CACNA1C: variants seen among roughly 807,000 people sequenced by gnomAD.
CACNA1C encodes the protein calcium voltage-gated channel subunit alpha1 C, also known as voltage-dependent L-type calcium channel subunit alpha-1C.
A neutral mutation model predicts 229.0 loss-of-function variants in CACNA1C; 30 were observed. The observed-to-expected ratio is 0.13, with a 90% confidence interval of 0.10 to 0.18. The LOEUF (loss-of-function observed/expected upper bound fraction) is 0.18. Ranked by LOEUF, CACNA1C falls within the 10% of genes least tolerant of loss-of-function variation. CACNA1C has a pLI of 1.00. For synonymous variants in CACNA1C, 1,114 were observed against 1,132.5 expected, an observed-to-expected ratio of 0.98 and a Z score of 0.33; for missense variants, 1,658 against 2,845.0, an observed-to-expected ratio of 0.58 and a Z score of 9.49.
At chr12:2,587,996 C>T (rs1179117152) in intron 18 of CACNA1C, among the ~76,000 whole-genome samples, 1 of 152,144 alleles carries the variant, frequency 6.6e-6, no homozygotes, top group East Asian at 1.9e-4. Context: ...AGCTGGTGGC[C>T]CCACACATCA....
chr12:2,218,404 G>C (rs1456486859), intron 3 of CACNA1C, among the ~76,000 whole-genome samples: 1 of 152,224 alleles, frequency 6.6e-6, no homozygotes, highest in Non-Finnish European at 1.5e-5. Flanking sequence ...TTCTGCAGGA[G>C]TTTGGATAGG....
Position 2,677,296 on chromosome 12 carries a change from TC to T in CACNA1C, c.4956+78del. 6.5e-7 allele frequency: 1 copy of T among 1,527,478 alleles called. No individual in the cohort carries two copies. Among genetic ancestry groups the T allele is most frequent in the South Asian group, 1.2e-5 (1 of 80,690 alleles). 94.6% of individuals were successfully genotyped at this position (1,527,478 alleles called of 1,614,324 possible). A position where few individuals can be genotyped will look rare whatever the true frequency, so the allele number is the denominator to read the frequency against. ...CTCTGACCTCCAGTCAGGGTCCCGG[TC>T]CCTCCCCAGCAGGCTGGAGGCCAGG... On this transcript the variant is annotated intron_variant, in intron 40 of 46. Coordinates refer to ENST00000399655, the MANE Select transcript of CACNA1C (RefSeq NM_000719.7). This position sits in a 1 kb window ranked among gnomAD's most constrained non-coding sequence, Gnocchi z 7.4.
intron 4 of CACNA1C, among the ~76,000 whole-genome samples, chr12:2,450,519 A>C (rs533208265): frequency 6.3e-4 from 77 of 121,324 alleles, no homozygotes; most frequent in African/African-American, 2.2e-3. Flanking sequence ...ATGCCACTGC[A>C]CTCCAGCCTG....
chr12:2,182,706 G>A (rs2096878301), intron 3 of CACNA1C, among the ~76,000 whole-genome samples: 1 of 152,296 alleles, frequency 6.6e-6, no homozygotes, highest in African/African-American at 2.4e-5. Context: ...ACTGCAAGGT[G>A]ACTGGGATGT....
intron 3 of CACNA1C, among the ~76,000 whole-genome samples, chr12:2,360,566 C>T (rs1203660969): frequency 1.3e-5 from 2 of 152,188 alleles, no homozygotes. Flanking sequence ...TCCAACGGGT[C>T]CCTCAGACAC....
intron 5 of CACNA1C, among the ~76,000 whole-genome samples, chr12:2,463,813 A>G (rs993555392): frequency 6.6e-6 from 1 of 152,158 alleles, no homozygotes; most frequent in Non-Finnish European, 1.5e-5. Flanking sequence ...GGCTTCATAG[A>G]GACTCTTCTA....
At chr12:2,418,986 A>T (rs527378543) in intron 3 of CACNA1C, among the ~76,000 whole-genome samples, 14 of 152,322 alleles carry the variant, frequency 9.2e-5, no homozygotes, top group African/African-American at 3.4e-4. Context: ...GCAGCACTAT[A>T]TGTGATTTTA....
chr12:2,016,876 G>T (rs1371299572), intron 1 of CACNA1C, among the ~76,000 whole-genome samples: 2 of 152,192 alleles, frequency 1.3e-5, no homozygotes, highest in African/African-American at 4.8e-5. Context: ...CGTGGCCTGG[G>T]CATTGAGTTT....
At chr12:2,438,219 TGGTGGTTGTG>T (rs1410833446) in intron 3 of CACNA1C, among the ~76,000 whole-genome samples, 3 of 146,280 alleles carry the variant, frequency 2.1e-5, no homozygotes, top group Admixed American at 6.7e-5. Flanking sequence ...GTGGTGGTGG[TGGTGGTTGTG>T]ATGGTGGGGA....
intron 5 of CACNA1C, among the ~76,000 whole-genome samples, chr12:2,465,823 C>T (rs2154566669): frequency 6.6e-6 from 1 of 152,214 alleles, no homozygotes; most frequent in Admixed American, 6.5e-5. Context: ...AGAGCCATAC[C>T]GAAGCTGTCA....
At chr12:2,498,203 T>C (rs1454602156) in intron 7 of CACNA1C, among the ~76,000 whole-genome samples, 3 of 152,230 alleles carry the variant, frequency 2.0e-5, no homozygotes, top group African/African-American at 7.2e-5. Context: ...GCTGATGACC[T>C]AGGAGTCATT....
chr12:2,633,031 C>T lies in CACNA1C; in HGVS notation c.3829-1266C>T, dbSNP rs540211154. On this transcript the variant is annotated intron_variant, in intron 29 of 46. Transcript: ENST00000399655. This position sits in a 1 kb window ranked among gnomAD's most constrained non-coding sequence, Gnocchi z 5.8. The stretch of plus-strand genomic sequence containing the variant: ...GCACTTATTATGGATCTTGTTTTAA[C>T]AATTTGGTCCTTCTTTTATTTTTGA... Among the ~76,000 whole-genome samples the T allele has an allele frequency of 7.9e-5, 12 of 152,288 alleles. No individual in the cohort carries two copies. The highest frequency in any genetic ancestry group is 4.1e-4 in the South Asian group (2 of 4,826).
rs140359398 is a variant in CACNA1C, at chr12:2,633,946, G to A, written c.3829-351G>A. Among the ~76,000 whole-genome samples, 529 of 152,260 alleles carry A rather than the reference G, an allele frequency of 3.5e-3. 4 individuals are homozygous for A. The highest frequency in any genetic ancestry group is 0.017 in the Middle Eastern group (5 of 294). On this transcript the variant is annotated intron_variant, in intron 29 of 46. Transcript: ENST00000399655. This position sits in a 1 kb window ranked among gnomAD's most constrained non-coding sequence, Gnocchi z 5.8. ...TACCTCAGCTCTGCCCGGCGCTGCCGGGCTGGGGCGTGGAGCTGAGCAGAG... is the reference window on the plus strand; with the variant it reads ...TACCTCAGCTCTGCCCGGCGCTGCCAGGCTGGGGCGTGGAGCTGAGCAGAG...
At chr12:1,983,136 TC>T (rs1290442772) in intron 1 of CACNA1C, among the ~76,000 whole-genome samples, 8 of 152,100 alleles carry the variant, frequency 5.3e-5, no homozygotes, top group East Asian at 1.9e-4. Context: ...TTTTTTTTTT[TC>T]CTTCATCAGT....
chr12:2,548,732 G>A (rs2099888280), intron 9 of CACNA1C, among the ~76,000 whole-genome samples: 1 of 152,156 alleles, frequency 6.6e-6, no homozygotes, highest in Admixed American at 6.5e-5. Flanking sequence ...TTCATCTGAA[G>A]GAAAGGAAAC....
At chr12:2,264,252 G>T (rs926086466) in intron 3 of CACNA1C, among the ~76,000 whole-genome samples, 6 of 152,222 alleles carry the variant, frequency 3.9e-5, no homozygotes, top group Non-Finnish European at 8.8e-5. Flanking sequence ...GCTCCAGGGG[G>T]CTCTCAAAGA....
chr12:2,091,554 G>A (rs1246589664), intron 1 of CACNA1C, among the ~76,000 whole-genome samples: 1 of 152,164 alleles, frequency 6.6e-6, no homozygotes, highest in Non-Finnish European at 1.5e-5. Context: ...AGCATCTTTT[G>A]CTCTCCTCTC....
chr12:2,177,054 G>C (rs781626474), intron 3 of CACNA1C, among the ~76,000 whole-genome samples: 9 of 152,168 alleles, frequency 5.9e-5, no homozygotes, highest in Non-Finnish European at 1.2e-4. Flanking sequence ...CAGAGCAACA[G>C]GGCACCTTTT....
At chr12:2,391,539 G>T (rs1364661280) in intron 3 of CACNA1C, among the ~76,000 whole-genome samples, 1 of 145,306 alleles carries the variant, frequency 6.9e-6, no homozygotes, top group Non-Finnish European at 1.5e-5. Context: ...GGTCAAGCTG[G>T]GAATGCTGGA....
Sources: allele counts gnomAD v4.1 joint callset (sites outside exome capture counted in the v4.1 genomes callset), GRCh38; gene constraint gnomAD v4.1.1; non-coding constraint Gnocchi (gnomAD v3.1); transcripts MANE v1.5; gene names NCBI Gene and HGNC (gene_info 2026-07-23, HGNC 2026-07-21).